MPPED1: variants seen among roughly 807,000 people sequenced by gnomAD.
MPPED1 encodes the protein metallophosphoesterase domain containing 1.
Under a neutral mutation model 36.2 loss-of-function variants are expected in MPPED1, and 16 were observed. That is an observed-to-expected ratio of 0.44 (90% CI 0.30 to 0.67). The LOEUF is 0.67. Among genes scored for constraint, MPPED1 ranks in the 30% least tolerant of loss-of-function variants. The pLI is 0.10. For missense variants in MPPED1, 307 were observed against 453.4 expected, an observed-to-expected ratio of 0.68 and a Z score of 2.93; for synonymous variants, 199 against 191.3, an observed-to-expected ratio of 1.04 and a Z score of -0.33.
At chr22:43,413,641 C>A (rs374850610) in intron 1 of MPPED1, among the ~76,000 whole-genome samples, 5 of 152,332 alleles carry the variant, frequency 3.3e-5, no homozygotes, top group African/African-American at 1.2e-4. Flanking sequence ...GTGTGGGAAC[C>A]ACGCATGATA....
At chr22:43,468,568 G>C (rs1931252947) in intron 3 of MPPED1, among the ~76,000 whole-genome samples, 1 of 152,220 alleles carries the variant, frequency 6.6e-6, no homozygotes, top group Admixed American at 6.5e-5. Flanking sequence ...TCTCTCCACT[G>C]TCTCGCTATG....
intron 3 of MPPED1, among the ~76,000 whole-genome samples, chr22:43,463,815 C>CTTTCTTTTT (rs1377538955): frequency 6.3e-5 from 3 of 47,950 alleles, no homozygotes; most frequent in East Asian, 4.8e-4. Flanking sequence ...TCTTTTCTTT[C>CTTTCTTTTT]TTTCTTTCTT....
chr22:43,473,365 C>T (rs1931440257), intron 3 of MPPED1, among the ~76,000 whole-genome samples: 1 of 152,148 alleles, frequency 6.6e-6, no homozygotes, highest in South Asian at 2.1e-4. Flanking sequence ...AGAGGGGATG[C>T]CTCGCGAGGT....
At chr22:43,501,569 G>C (rs1011956162) in intron 5 of MPPED1, among the ~76,000 whole-genome samples, 3 of 152,180 alleles carry the variant, frequency 2.0e-5, no homozygotes, top group African/African-American at 7.2e-5. Flanking sequence ...GTGTGCGCCA[G>C]GGTGCCGAGG....
At chr22:43,484,102 G>C (rs907313938) in intron 4 of MPPED1, among the ~76,000 whole-genome samples, 1 of 152,288 alleles carries the variant, frequency 6.6e-6, no homozygotes, top group Non-Finnish European at 1.5e-5. Context: ...TTCACCTGGT[G>C]CAGTGCTGCT....
rs957912754 is a variant in MPPED1, at chr22:43,474,670, C to T, written c.407-66C>T. 17 of 1,580,726 alleles carry T rather than the reference C, an allele frequency of 1.1e-5. No homozygotes were observed. Among genetic ancestry groups the T allele is most frequent in the East Asian group, 6.7e-5 (3 of 44,576 alleles). ...TCCTCCTGCCCGCCCCTCTCTCAGC[C>T]GTGCTGTGGCTTCTGGACAAGCTGA... On this transcript the variant is annotated intron_variant, in intron 3 of 6. Coordinates refer to ENST00000443721, the MANE Select transcript of MPPED1 (RefSeq NM_001044370.2). The surrounding 1 kb of genome is among the most constrained non-coding windows in gnomAD (Gnocchi z 5.2).
At chr22:43,463,978 G>A (rs970961659) in intron 3 of MPPED1, among the ~76,000 whole-genome samples, 90 of 151,434 alleles carry the variant, frequency 5.9e-4, no homozygotes, top group African/African-American at 1.7e-3. Context: ...ACGTGATCTC[G>A]ACTGACTGCA....
At chr22:43,463,686 A>G (rs6003212) in intron 3 of MPPED1, among the ~76,000 whole-genome samples, 82,503 of 151,916 alleles carry the variant, frequency 0.54, 24,292 homozygotes, top group African/African-American at 0.79. Flanking sequence ...CTCACCAAGG[A>G]TGTCAATGAT....
At chr22:43,416,231 T>C (rs528367202) in intron 1 of MPPED1, among the ~76,000 whole-genome samples, 7 of 152,378 alleles carry the variant, frequency 4.6e-5, no homozygotes, top group African/African-American at 1.7e-4. Flanking sequence ...TGTAAGTTTG[T>C]CATTCAGGCA....
intron 3 of MPPED1, among the ~76,000 whole-genome samples, chr22:43,436,720 A>G (rs1929973993): frequency 6.6e-6 from 1 of 152,238 alleles, no homozygotes; most frequent in South Asian, 2.1e-4. Flanking sequence ...TGGTGGAGTC[A>G]AGAGGCCGTT....
Position 43,424,960 on chromosome 22 carries a change from G to A in MPPED1, c.-26G>A. On this transcript the variant is annotated 5_prime_UTR_variant, in exon 2 of 7. Transcript: ENST00000443721. ...GGCTGCGGTGGCGGCAGCGGTGGGAGATGCCGGGGCGGCCGGCGGAGGTCC... is the reference window on the plus strand; with the variant it reads ...GGCTGCGGTGGCGGCAGCGGTGGGAAATGCCGGGGCGGCCGGCGGAGGTCC... 1 of 1,557,222 alleles carries A rather than the reference G, an allele frequency of 6.4e-7. No individual in the cohort carries two copies. Among genetic ancestry groups the A allele is most frequent in the Non-Finnish European group, 8.7e-7 (1 of 1,152,654 alleles).
chr22:43,432,411 T>G (rs1176941907), intron 2 of MPPED1, among the ~76,000 whole-genome samples: 1,797 of 36,062 alleles, frequency 0.05, 31 homozygotes, highest in African/African-American at 0.1. Flanking sequence ...GAGAGAGAGA[T>G]AAAGGGAGGA....
chr22:43,467,802 C>T (rs183007439), intron 3 of MPPED1, among the ~76,000 whole-genome samples: 23 of 152,238 alleles, frequency 1.5e-4, no homozygotes, highest in African/African-American at 1.9e-4. Flanking sequence ...ATTTAGAGAA[C>T]GCTAAAACTC....
chr22:43,462,522 T>C (rs1330532208), intron 3 of MPPED1, among the ~76,000 whole-genome samples: 1 of 152,250 alleles, frequency 6.6e-6, no homozygotes. Context: ...ATATGCATCT[T>C]TTCACCTGTT....
intron 3 of MPPED1, among the ~76,000 whole-genome samples, chr22:43,444,378 T>C (rs2146845291): frequency 6.8e-6 from 1 of 147,696 alleles, no homozygotes; most frequent in Admixed American, 6.7e-5. Context: ...TTTTTTTTTT[T>C]TTTTTTGAGA....
intron 4 of MPPED1, among the ~76,000 whole-genome samples, chr22:43,487,079 T>A (rs1358893001): frequency 6.6e-6 from 1 of 152,148 alleles, no homozygotes; most frequent in African/African-American, 2.4e-5. Flanking sequence ...TGCTTGTTCA[T>A]TTCATTCTTC....
intron 2 of MPPED1, among the ~76,000 whole-genome samples, chr22:43,429,589 C>A (rs1403555874): frequency 6.6e-6 from 1 of 152,276 alleles, no homozygotes; most frequent in Admixed American, 6.5e-5. Context: ...GTGCTCAGCA[C>A]TGGGCCTTGT....
intron 3 of MPPED1, among the ~76,000 whole-genome samples, chr22:43,457,322 A>T (rs1930788808): frequency 6.6e-6 from 1 of 152,182 alleles, no homozygotes; most frequent in Admixed American, 6.5e-5. Context: ...TGGTATAGCG[A>T]CTACAGCTCT....
intron 3 of MPPED1, among the ~76,000 whole-genome samples, chr22:43,437,350 A>G (rs751250051): frequency 4.6e-5 from 7 of 152,152 alleles, no homozygotes; most frequent in Middle Eastern, 3.4e-3. Context: ...TGTATTAGTA[A>G]CTCATTTAAT....
Sources: gnomAD v4.1 joint callset for allele counts (sites outside exome capture counted in the v4.1 genomes callset) on GRCh38, gnomAD v4.1.1 for gene constraint, Gnocchi (gnomAD v3.1) non-coding constraint, MANE v1.5 for transcripts, NCBI Gene and HGNC (gene_info 2026-07-23, HGNC 2026-07-21) for gene names.